FKBP6: variants seen among roughly 807,000 people sequenced by gnomAD.
FKBP6 encodes the protein FKBP prolyl isomerase family member 6 (inactive), also known as inactive peptidyl-prolyl cis-trans isomerase FKBP6.
In FKBP6, 29 loss-of-function variants were observed where a neutral mutation model predicts 41.7. That is an observed-to-expected ratio of 0.70 (90% CI 0.52 to 0.95). The LOEUF is 0.95. Among genes scored for constraint, FKBP6 ranks in the 40% least tolerant of loss-of-function variants. The pLI, the probability that FKBP6 is intolerant of heterozygous loss-of-function variation, is 0.00. For missense variants in FKBP6, 338 were observed against 408.7 expected (o/e 0.83, Z 1.49); for synonymous variants, 130 against 165.1 (o/e 0.79, Z 1.63).
chr7:73,352,664 G>T (rs553136449), intron 8 of FKBP6, among the ~76,000 whole-genome samples: 1 of 152,320 alleles, frequency 6.6e-6, no homozygotes, highest in African/African-American at 2.4e-5. Context: ...ATGAACTGGG[G>T]TGAGCCTCAG....
chr7:73,337,418 G>A (rs1805039887), intron 5 of FKBP6, among the ~76,000 whole-genome samples: 1 of 151,404 alleles, frequency 6.6e-6, no homozygotes, highest in Non-Finnish European at 1.5e-5. Flanking sequence ...AGGTTCAAGG[G>A]ATTCTCCTGC....
At chr7:73,337,810 ACTAT>A (rs1805053950) in intron 5 of FKBP6, among the ~76,000 whole-genome samples, 3 of 152,066 alleles carry the variant, frequency 2.0e-5, no homozygotes, top group Admixed American at 2.0e-4. Context: ...AGCCATTGCC[ACTAT>A]CTAATTCCAG....
At chr7:73,335,392 C>T (rs542578582) in intron 5 of FKBP6, among the ~76,000 whole-genome samples, 3 of 152,318 alleles carry the variant, frequency 2.0e-5, no homozygotes, top group East Asian at 3.9e-4. Flanking sequence ...CCTCTTTCTG[C>T]CCCGTGTGTG....
At chr7:73,329,797 A>G (rs1332180839) in intron 3 of FKBP6, 3 of 520,990 alleles carry the variant, frequency 5.8e-6, no homozygotes, top group Non-Finnish European at 1.0e-5. Context: ...GGACCTCACA[A>G]TGTAGTGGAG....
chr7:73,356,885 A>T (rs1476409763), intron 8 of FKBP6, among the ~76,000 whole-genome samples: 1 of 151,990 alleles, frequency 6.6e-6, no homozygotes, highest in Non-Finnish European at 1.5e-5. Context: ...GGTTCAAGCG[A>T]TTCTCCTGCC....
At chr7:73,341,594 T>C (rs1805191549) in intron 7 of FKBP6, among the ~76,000 whole-genome samples, 1 of 151,016 alleles carries the variant, frequency 6.6e-6, no homozygotes, top group African/African-American at 2.4e-5. Context: ...ACTATACATC[T>C]CCATCATCGC....
chr7:73,337,394 A>G (rs1554548704), intron 5 of FKBP6, among the ~76,000 whole-genome samples: 1 of 147,376 alleles, frequency 6.8e-6, no homozygotes, highest in Non-Finnish European at 1.5e-5. Flanking sequence ...GCCTCACTAC[A>G]ACCTCCGCCT....
At chr7:73,340,250 C>T (rs113826259) in intron 5 of FKBP6, among the ~76,000 whole-genome samples, 4,086 of 152,108 alleles carry the variant, frequency 0.027, 65 homozygotes, top group South Asian at 0.042. Flanking sequence ...GACTTTTGGC[C>T]GGGCATGGTG....
chr7:73,337,617 C>T (rs1406015457), intron 5 of FKBP6, among the ~76,000 whole-genome samples: 1 of 152,038 alleles, frequency 6.6e-6, no homozygotes, highest in Non-Finnish European at 1.5e-5. Flanking sequence ...TCCGGCCTTC[C>T]AGTTCTTCCA....
intron 5 of FKBP6, among the ~76,000 whole-genome samples, chr7:73,332,484 C>G (rs1554547874): frequency 6.7e-6 from 1 of 149,768 alleles, no homozygotes; most frequent in East Asian, 2.0e-4. Flanking sequence ...GGCAAAAAAA[C>G]TCCCATCTCA....
chr7:73,348,701 A>T (rs1408519392), intron 8 of FKBP6, among the ~76,000 whole-genome samples: 7 of 152,244 alleles, frequency 4.6e-5, no homozygotes, highest in Admixed American at 2.0e-4. Flanking sequence ...CTAACTGGTT[A>T]TACATCAGAG....
chr7:73,340,410 A>G (rs529170538), intron 5 of FKBP6, among the ~76,000 whole-genome samples: 2 of 152,302 alleles, frequency 1.3e-5, no homozygotes, highest in African/African-American at 4.8e-5. Context: ...CCAGCTACTC[A>G]GAAGGCGGAG....
chr7:73,334,461 T>C (rs1804943337), intron 5 of FKBP6, among the ~76,000 whole-genome samples: 1 of 149,990 alleles, frequency 6.7e-6, no homozygotes, highest in African/African-American at 2.5e-5. Context: ...TCCTTGACTT[T>C]TTGCCACCTC....
intron 5 of FKBP6, among the ~76,000 whole-genome samples, chr7:73,335,606 A>G (rs1804981736): frequency 1.3e-5 from 2 of 152,264 alleles, no homozygotes; most frequent in South Asian, 2.1e-4. Flanking sequence ...ATCTGGACAC[A>G]TAGGGGCAGT....
chr7:73,353,344 T>C (rs1805541560), intron 8 of FKBP6, among the ~76,000 whole-genome samples: 1 of 152,186 alleles, frequency 6.6e-6, no homozygotes, highest in African/African-American at 2.4e-5. Context: ...GGGGGGCATT[T>C]TCCCATCTCT....
At position 73,330,372 on chromosome 7, in the gene FKBP6, T is replaced by C; in HGVS notation, c.468+20T>C. 6.4e-7 allele frequency: 1 copy of C among 1,570,212 alleles called. No homozygotes were observed. The highest frequency in any genetic ancestry group is 8.8e-7 in the Non-Finnish European group (1 of 1,139,850). On this transcript the variant is annotated intron_variant, in intron 4 of 8. Transcript: ENST00000252037. ...TCAGCTGTAAGTTCCAGAGCACAGA[T>C]GTCAGCACTTTATAGAGAGACGAAT...
At position 73,347,326 on chromosome 7, in the gene FKBP6, A is replaced by C. The variant is rs183731009; in HGVS notation, c.*2+4427A>C. On this transcript the variant is annotated intron_variant, in intron 8 of 8. Coordinates refer to ENST00000252037, the MANE Select transcript of FKBP6 (RefSeq NM_003602.5). ...TATGATCCCCATTTTACAGTTGATG[A>C]ATTAGATGTGAAGAAGCTATGTAAT... 5.9e-4 allele frequency among the ~76,000 whole-genome samples: 90 copies of C among 152,244 alleles called. 1 individual carries two copies. Among genetic ancestry groups the C allele is most frequent in the Middle Eastern group, 3.4e-3 (1 of 294 alleles).
chr7:73,350,913 C>T (rs961574220), intron 8 of FKBP6, among the ~76,000 whole-genome samples: 7 of 152,162 alleles, frequency 4.6e-5, no homozygotes, highest in Non-Finnish European at 1.5e-5. Flanking sequence ...ATCATCATCT[C>T]TCTCGGTATG....
chr7:73,333,449 A>G (rs1804910468), intron 5 of FKBP6, among the ~76,000 whole-genome samples: 2 of 152,178 alleles, frequency 1.3e-5, no homozygotes, highest in Non-Finnish European at 2.9e-5. Flanking sequence ...CCAGCTTCCC[A>G]TGAGCTTAGG....
Sources: gnomAD v4.1 joint callset for allele counts (sites outside exome capture counted in the v4.1 genomes callset) on GRCh38, gnomAD v4.1.1 for gene constraint, MANE v1.5 for transcripts, NCBI Gene and HGNC (gene_info 2026-07-23, HGNC 2026-07-21) for gene names.